AGBL4: variants seen among roughly 807,000 people sequenced by gnomAD.
The protein encoded by AGBL4 is AGBL carboxypeptidase 4, also known as cytosolic carboxypeptidase 6.
Under a neutral mutation model 66.4 loss-of-function variants are expected in AGBL4, and 58 were observed. That is an observed-to-expected ratio of 0.87 (90% CI 0.71 to 1.09). The LOEUF (loss-of-function observed/expected upper bound fraction) is 1.09, where lower values mean the gene tolerates loss of function less well. Among genes scored for constraint, AGBL4 ranks in the 50% least tolerant of loss-of-function variants. The pLI is 0.00. For missense variants in AGBL4, 579 were observed against 631.0 expected (o/e 0.92, Z 0.88); for synonymous variants, 234 against 222.9 (o/e 1.05, Z -0.44).
At chr1:48,575,018 A>T (rs868092335) in intron 11 of AGBL4, among the ~76,000 whole-genome samples, 5 of 152,304 alleles carry the variant, frequency 3.3e-5, no homozygotes, top group Middle Eastern at 3.4e-3. Flanking sequence ...TGTTCAATAA[A>T]TGTTATATCT....
chr1:49,577,791 T>C (rs1029684943), intron 3 of AGBL4, among the ~76,000 whole-genome samples: 2 of 152,226 alleles, frequency 1.3e-5, no homozygotes, highest in Non-Finnish European at 2.9e-5. Flanking sequence ...AATGATGGAA[T>C]GGCTTTTTGA....
At chr1:48,723,260 G>T (rs922936558) in intron 6 of AGBL4, among the ~76,000 whole-genome samples, 3 of 152,204 alleles carry the variant, frequency 2.0e-5, no homozygotes, top group African/African-American at 4.8e-5. Context: ...GAAAGTCTCA[G>T]GGAGGTAGAT....
In AGBL4 at chr1:49,937,968, C is replaced by T. The variant is rs537486989; in HGVS notation, c.34+85795G>A. 3.8e-3 allele frequency among the ~76,000 whole-genome samples: 578 copies of T among 151,864 alleles called. 6 individuals carry two copies. Among genetic ancestry groups the T allele is most frequent in the African/African-American group, 0.012 (494 of 41,384 alleles). ...AGCAAGAGCAAACACATTCAAATGCCAGCAGAAGGCAAGAAATAACTAAAA... is the reference window on the plus strand; with the variant it reads ...AGCAAGAGCAAACACATTCAAATGCTAGCAGAAGGCAAGAAATAACTAAAA... On this transcript the variant is annotated intron_variant, in intron 1 of 13. Transcript: ENST00000371839.
At chr1:49,393,203 A>C (rs1644886320) in intron 3 of AGBL4, among the ~76,000 whole-genome samples, 1 of 152,228 alleles carries the variant, frequency 6.6e-6, no homozygotes, top group Non-Finnish European at 1.5e-5. Flanking sequence ...TGGTTATTAT[A>C]GTATTAGTAG....
chr1:49,429,992 G>T (rs1475899872), intron 3 of AGBL4, among the ~76,000 whole-genome samples: 1 of 151,852 alleles, frequency 6.6e-6, no homozygotes, highest in Non-Finnish European at 1.5e-5. Context: ...CTACAGGCAA[G>T]CATCACCATG....
intron 3 of AGBL4, among the ~76,000 whole-genome samples, chr1:49,511,825 C>G (rs1412451573): frequency 6.6e-6 from 1 of 151,842 alleles, no homozygotes; most frequent in Non-Finnish European, 1.5e-5. Flanking sequence ...GGACAGTTGA[C>G]TCTCCTTTTT....
intron 1 of AGBL4, among the ~76,000 whole-genome samples, chr1:49,975,788 T>C (rs543100537): frequency 6.6e-6 from 1 of 152,326 alleles, no homozygotes; most frequent in East Asian, 1.9e-4. Flanking sequence ...CTATAATGCC[T>C]AGCACGGTTT....
chr1:49,860,940 C>T (rs565890027), intron 1 of AGBL4, among the ~76,000 whole-genome samples: 2 of 152,054 alleles, frequency 1.3e-5, no homozygotes, highest in African/African-American at 2.4e-5. Context: ...CCAATGCGAC[C>T]CCTCCCCAAC....
At chr1:49,701,035 G>A (rs1227786061) in intron 2 of AGBL4, among the ~76,000 whole-genome samples, 1 of 151,966 alleles carries the variant, frequency 6.6e-6, no homozygotes, top group Non-Finnish European at 1.5e-5. Context: ...AGCTCACCAA[G>A]AAGAAATAAA....
intron 2 of AGBL4, among the ~76,000 whole-genome samples, chr1:49,773,227 T>C (rs1264298989): frequency 6.6e-6 from 1 of 152,226 alleles, no homozygotes; most frequent in Non-Finnish European, 1.5e-5. Flanking sequence ...ATTCAGATCA[T>C]GAATTGTTTT....
chr1:49,261,747 T>C (rs1287877079), intron 3 of AGBL4, among the ~76,000 whole-genome samples: 47 of 148,036 alleles, frequency 3.2e-4, no homozygotes, highest in East Asian at 1.2e-3. Flanking sequence ...AGGTAATTTA[T>C]AGATTCAATG....
chr1:49,879,936 C>A (rs1031383160), intron 1 of AGBL4, among the ~76,000 whole-genome samples: 2 of 143,804 alleles, frequency 1.4e-5, no homozygotes, highest in African/African-American at 5.2e-5. Flanking sequence ...GATACCCTTT[C>A]TTCCAGTTGA....
chr1:49,067,490 T>C (rs1286145709), intron 4 of AGBL4, among the ~76,000 whole-genome samples: 1 of 152,146 alleles, frequency 6.6e-6, no homozygotes, highest in Non-Finnish European at 1.5e-5. Context: ...ATACACCAAG[T>C]TTATTCCTAT....
At chr1:48,668,276 G>A (rs948198302) in intron 6 of AGBL4, among the ~76,000 whole-genome samples, 2 of 152,086 alleles carry the variant, frequency 1.3e-5, no homozygotes, top group African/African-American at 4.8e-5. Context: ...CCTGGCACTG[G>A]TCTCCCTGTG....
chr1:50,012,394 T>C (rs1486670235), intron 1 of AGBL4, among the ~76,000 whole-genome samples: 4 of 152,148 alleles, frequency 2.6e-5, no homozygotes, highest in Non-Finnish European at 4.4e-5. Context: ...AGAGGATGGA[T>C]AACCCATTCT....
chr1:49,930,984 T>C (rs1653289425), intron 1 of AGBL4, among the ~76,000 whole-genome samples: 1 of 152,126 alleles, frequency 6.6e-6, no homozygotes, highest in Non-Finnish European at 1.5e-5. Flanking sequence ...ACAGATGACA[T>C]GATTGCCTAT....
intron 1 of AGBL4, among the ~76,000 whole-genome samples, chr1:49,894,658 G>T (rs1649003003): frequency 6.6e-6 from 1 of 152,038 alleles, no homozygotes; most frequent in Non-Finnish European, 1.5e-5. Flanking sequence ...TAGAGGACTT[G>T]ATCAAGTAGA....
At position 49,355,570 on chromosome 1, in the gene AGBL4, C is replaced by G. The variant is rs532509291; in HGVS notation, c.283-109706G>C. ...TATCAAAACATGTCACTCCCTTGCC[C>G]ATTAGCTTCCCATCAAACACAGACT... On this transcript the variant is annotated intron_variant, in intron 3 of 13. Coordinates refer to ENST00000371839, the MANE Select transcript of AGBL4 (RefSeq NM_032785.4). Among the ~76,000 whole-genome samples, 3 of 152,264 alleles carry G rather than the reference C, an allele frequency of 2.0e-5. No homozygotes were observed. In the East Asian group the frequency reaches 5.8e-4, roughly 29 times the overall value.
chr1:48,698,819 T>C (rs915843896), intron 6 of AGBL4, among the ~76,000 whole-genome samples: 1 of 152,160 alleles, frequency 6.6e-6, no homozygotes, highest in Non-Finnish European at 1.5e-5. Flanking sequence ...ATTTTATAGA[T>C]GAGAATGCTA....
Sources: allele counts gnomAD v4.1 joint callset (sites outside exome capture counted in the v4.1 genomes callset), GRCh38; gene constraint gnomAD v4.1.1; transcripts MANE v1.5; gene names NCBI Gene and HGNC (gene_info 2026-07-23, HGNC 2026-07-21).